ADGRL3: variants seen among roughly 807,000 people sequenced by gnomAD.
ADGRL3 encodes the protein adhesion G protein-coupled receptor L3, also known as calcium-independent alpha-latrotoxin receptor 3.
In ADGRL3, 62 loss-of-function variants were observed where a neutral mutation model predicts 153.5. The observed-to-expected ratio is 0.40, with a 90% CI of 0.33 to 0.50. ADGRL3 has a LOEUF of 0.50. ADGRL3 is among the 20% of genes least tolerant of loss of function. ADGRL3 has a pLI of 0.47. For synonymous variants in ADGRL3, 710 were observed against 672.5 expected, an observed-to-expected ratio of 1.06 and a Z score of -0.86; for missense variants, 1,641 against 1,859.4, an observed-to-expected ratio of 0.88 and a Z score of 2.16.
intron 1 of ADGRL3, among the ~76,000 whole-genome samples, chr4:61,329,034 G>A (rs1560479877): frequency 6.6e-6 from 1 of 152,144 alleles, no homozygotes; most frequent in African/African-American, 2.4e-5. Flanking sequence ...TGCTTTGGAT[G>A]TGTGCCATAA....
At chr4:61,688,060 G>T (rs1446111177) in intron 6 of ADGRL3, among the ~76,000 whole-genome samples, 2 of 151,944 alleles carry the variant, frequency 1.3e-5, no homozygotes, top group Non-Finnish European at 2.9e-5. Flanking sequence ...TAACAAGATA[G>T]GATCAAAGAC....
At chr4:61,301,553 A>G (rs1263695739) in intron 1 of ADGRL3, among the ~76,000 whole-genome samples, 2 of 152,202 alleles carry the variant, frequency 1.3e-5, no homozygotes, top group Non-Finnish European at 2.9e-5. Flanking sequence ...TAAACCTTTC[A>G]GGCAGAATGT....
intron 2 of ADGRL3, among the ~76,000 whole-genome samples, chr4:61,496,252 C>G (rs1434392289): frequency 6.6e-6 from 1 of 152,070 alleles, no homozygotes; most frequent in African/African-American, 2.4e-5. Flanking sequence ...TTTATGGTAA[C>G]AGTGATGAAT....
intron 1 of ADGRL3, among the ~76,000 whole-genome samples, chr4:61,211,095 A>G (rs1031085508): frequency 1.1e-4 from 16 of 152,178 alleles, no homozygotes; most frequent in African/African-American, 3.9e-4. Context: ...TCTAAGTTAT[A>G]TGTACTTCAA....
chr4:62,068,282 A>G, intron 26 of ADGRL3, 99 bp downstream of exon 26: 1 of 1,112,822 alleles, frequency 9.0e-7, no homozygotes, highest in Non-Finnish European at 1.3e-6. Context: ...AAAACAGTTC[A>G]TCTCACAATT....
chr4:61,961,438 A>G (rs1039296706), intron 17 of ADGRL3, among the ~76,000 whole-genome samples: 4 of 152,162 alleles, frequency 2.6e-5, no homozygotes, highest in African/African-American at 9.6e-5. Flanking sequence ...TGGAACATCA[A>G]CCTTGACTCT....
chr4:61,311,362 G>A (rs1221729836), intron 1 of ADGRL3, among the ~76,000 whole-genome samples: 4 of 152,176 alleles, frequency 2.6e-5, no homozygotes, highest in Non-Finnish European at 5.9e-5. Flanking sequence ...ACTGGGAGCT[G>A]TATTTGGAAG....
chr4:61,684,902 C>T (rs576030975), intron 6 of ADGRL3, among the ~76,000 whole-genome samples: 47 of 151,670 alleles, frequency 3.1e-4, no homozygotes, highest in Non-Finnish European at 5.2e-4. Context: ...TTTAAAAGCA[C>T]TCTTAATTGT....
intron 1 of ADGRL3, among the ~76,000 whole-genome samples, chr4:61,277,407 A>G (rs2093517542): frequency 6.6e-6 from 1 of 152,290 alleles, no homozygotes; most frequent in Middle Eastern, 3.4e-3. Flanking sequence ...GTAGAAACAC[A>G]CATATTAGTT....
intron 24 of ADGRL3, among the ~76,000 whole-genome samples, chr4:62,043,029 T>G (rs1004600699): frequency 6.6e-6 from 1 of 152,096 alleles, no homozygotes; most frequent in Non-Finnish European, 1.5e-5. Context: ...GACATCTACA[T>G]TACTGCAGGA....
At chr4:62,006,386 G>A (rs2099159353) in intron 21 of ADGRL3, among the ~76,000 whole-genome samples, 1 of 151,910 alleles carries the variant, frequency 6.6e-6, no homozygotes, top group East Asian at 1.9e-4. Context: ...TTGGCTTGGG[G>A]TACTAGAACA....
chr4:61,268,693 A>G (rs897431950), intron 1 of ADGRL3, among the ~76,000 whole-genome samples: 3 of 151,592 alleles, frequency 2.0e-5, no homozygotes, highest in African/African-American at 4.8e-5. Flanking sequence ...TTAAAATATG[A>G]CACATATTTG....
At chr4:61,267,896 T>C (rs1270545817) in intron 1 of ADGRL3, among the ~76,000 whole-genome samples, 4 of 151,740 alleles carry the variant, frequency 2.6e-5, no homozygotes, top group East Asian at 1.9e-4. Context: ...CATAATTATA[T>C]CTACAAAGTG....
At chr4:61,621,845 C>CT (rs1342327184) in intron 5 of ADGRL3, among the ~76,000 whole-genome samples, 3 of 152,048 alleles carry the variant, frequency 2.0e-5, no homozygotes, top group Non-Finnish European at 4.4e-5. Flanking sequence ...TATATGTCTC[C>CT]TTTTTTGCCT....
intron 17 of ADGRL3, among the ~76,000 whole-genome samples, chr4:61,948,975 C>A (rs1357137340): frequency 1.4e-5 from 2 of 147,138 alleles, no homozygotes; most frequent in African/African-American, 2.5e-5. Flanking sequence ...GCTAGAAATG[C>A]AGTAACTATC....
intron 2 of ADGRL3, among the ~76,000 whole-genome samples, chr4:61,395,704 A>G (rs1462295084): frequency 6.6e-6 from 1 of 151,990 alleles, no homozygotes; most frequent in African/African-American, 2.4e-5. Context: ...TTCATTGAAA[A>G]AAATAGCCAA....
At chr4:61,514,932 T>G (rs756806033) in intron 3 of ADGRL3, among the ~76,000 whole-genome samples, 1 of 152,188 alleles carries the variant, frequency 6.6e-6, no homozygotes, top group Non-Finnish European at 1.5e-5. Flanking sequence ...CATTGTTTAT[T>G]CATTTTTAAA....
Position 61,934,764 on chromosome 4 carries a change from C to T in ADGRL3, c.2113-76C>T, listed in dbSNP as rs1283573817. The T allele has an allele frequency of 7.8e-6, 9 of 1,147,532 alleles. No individual in the cohort carries two copies. In the East Asian group the frequency reaches 2.2e-4, roughly 29 times the overall value. The allele number at this position is 1,147,532 out of a possible 1,614,324, so 71.1% of individuals were successfully genotyped here. A position where few individuals can be genotyped will look rare whatever the true frequency, so the allele number is the denominator to read the frequency against. The stretch of plus-strand genomic sequence containing the variant: ...ACACTGCTGATCCTTGCTTGCTGGG[C>T]AACATGTACACCTGGATTTCTGACA... On this transcript the variant is annotated intron_variant, in intron 13 of 26. Transcript: ENST00000683033.
intron 9 of ADGRL3, among the ~76,000 whole-genome samples, chr4:61,858,505 C>T (rs1408396548): frequency 6.6e-6 from 1 of 152,150 alleles, no homozygotes; most frequent in African/African-American, 2.4e-5. Flanking sequence ...CATGCAATCC[C>T]AGCTACTCAG....
Sources: allele counts gnomAD v4.1 joint callset (sites outside exome capture counted in the v4.1 genomes callset), GRCh38; gene constraint gnomAD v4.1.1; transcripts MANE v1.5; gene names NCBI Gene and HGNC (gene_info 2026-07-23, HGNC 2026-07-21).